Variants in SOX6 observed in about 807,000 individuals in gnomAD.
SOX6 encodes SRY-box transcription factor 6, also known as transcription factor SOX-6.
Under a neutral mutation model 97.8 loss-of-function variants are expected in SOX6, and 11 were observed. That is an observed-to-expected ratio of 0.11 (90% CI 0.07 to 0.19). The LOEUF (loss-of-function observed/expected upper bound fraction) is 0.19. Ranked by LOEUF, SOX6 falls within the 10% of genes least tolerant of loss-of-function variation. SOX6 has a pLI of 1.00. For synonymous variants in SOX6, 360 were observed against 371.4 expected (o/e 0.97, Z 0.35); for missense variants, 810 against 1,039.5 (o/e 0.78, Z 3.04).
chr11:16,151,746 T>C (rs1398974321), intron 6 of SOX6, among the ~76,000 whole-genome samples: 1 of 152,054 alleles, frequency 6.6e-6, no homozygotes, highest in Non-Finnish European at 1.5e-5. Context: ...AGCTGAAAAA[T>C]TCAGTTCTAT....
rs1848324549 is a variant in SOX6 at position 16,605,531 on chromosome 11, C to T, written n.609+6550G>A. On this transcript the variant is annotated intron_variant and non_coding_transcript_variant, in intron 4 of 5. Transcript: ENST00000524520. This position sits in a 1 kb window ranked among gnomAD's most constrained non-coding sequence, Gnocchi z 5.3. Reference sequence around the variant, plus strand: ...AGCTGGAGGCAACTCGAGCGGTGTCCCGAAAAAGTTGCGGCGGAGCGGCGG... The same window carrying T: ...AGCTGGAGGCAACTCGAGCGGTGTCTCGAAAAAGTTGCGGCGGAGCGGCGG... 6.6e-6 allele frequency among the ~76,000 whole-genome samples: 1 copy of T among 152,098 alleles called. No homozygotes were observed. Among genetic ancestry groups the T allele is most frequent in the Non-Finnish European group, 1.5e-5 (1 of 67,998 alleles).
At chr11:16,525,412 G>T (rs1361245425) in intron 4 of SOX6, among the ~76,000 whole-genome samples, 3 of 151,948 alleles carry the variant, frequency 2.0e-5, no homozygotes, top group Admixed American at 1.3e-4. Flanking sequence ...ATGGTGCTGG[G>T]AAAACTGGCT....
intron 3 of SOX6, among the ~76,000 whole-genome samples, chr11:16,621,684 G>A (rs1848547386): frequency 6.6e-6 from 1 of 152,130 alleles, no homozygotes. Flanking sequence ...TTCAACTGCA[G>A]AATTTTTTTC....
chr11:16,049,494 T>C (rs1364846030), intron 11 of SOX6, among the ~76,000 whole-genome samples: 1 of 152,162 alleles, frequency 6.6e-6, no homozygotes, highest in Non-Finnish European at 1.5e-5. Flanking sequence ...TGACCATATA[T>C]AGAAGTTCCT....
At chr11:16,137,748 G>A (rs1040502546) in intron 6 of SOX6, among the ~76,000 whole-genome samples, 19 of 150,478 alleles carry the variant, frequency 1.3e-4, no homozygotes, top group Admixed American at 2.0e-4. Flanking sequence ...TAATCCCTAC[G>A]TGCCATGAGA....
chr11:16,738,368 G>A (rs569351172), intron 1 of SOX6: 2 of 218,014 alleles, frequency 9.2e-6, no homozygotes, highest in Admixed American at 5.1e-5. Flanking sequence ...CACGGTGAAA[G>A]GCAAAAACCC....
At chr11:16,261,632 T>G (rs1334374180) in intron 3 of SOX6, among the ~76,000 whole-genome samples, 1 of 145,752 alleles carries the variant, frequency 6.9e-6, no homozygotes, top group Non-Finnish European at 1.5e-5. Flanking sequence ...AGTCTTCTTT[T>G]ATTTGAAAAA....
At chr11:16,036,442 T>C (rs1407963001) in intron 12 of SOX6, among the ~76,000 whole-genome samples, 2 of 152,068 alleles carry the variant, frequency 1.3e-5, no homozygotes, top group Non-Finnish European at 2.9e-5. Flanking sequence ...GTTGAGAGAG[T>C]GTTGAATATA....
intron 3 of SOX6, among the ~76,000 whole-genome samples, chr11:16,247,170 C>T (rs1368750954): frequency 6.6e-6 from 1 of 152,126 alleles, no homozygotes; most frequent in Non-Finnish European, 1.5e-5. Context: ...AAATATCTTT[C>T]TGTGACTGGC....
chr11:16,266,021 T>C (rs1298378416), intron 3 of SOX6, among the ~76,000 whole-genome samples: 1 of 151,730 alleles, frequency 6.6e-6, no homozygotes, highest in African/African-American at 2.4e-5. Context: ...AGAAAAAATA[T>C]TGAAAATATA....
At chr11:16,007,051 GA>G (rs5789933) in intron 13 of SOX6, among the ~76,000 whole-genome samples, 13,584 of 151,908 alleles carry the variant, frequency 0.089, 1,252 homozygotes, top group East Asian at 0.36. Context: ...AACCAAACAA[GA>G]AGAGGAATCT....
At chr11:16,282,711 A>G (rs1312714683) in intron 3 of SOX6, among the ~76,000 whole-genome samples, 1 of 151,496 alleles carries the variant, frequency 6.6e-6, no homozygotes, top group South Asian at 2.1e-4. Context: ...TAGCAAAAAT[A>G]GGTATGAATT....
chr11:16,203,096 A>C (rs1851982343), intron 4 of SOX6, among the ~76,000 whole-genome samples: 1 of 152,136 alleles, frequency 6.6e-6, no homozygotes, highest in African/African-American at 2.4e-5. Context: ...TGAAATACTA[A>C]AGTGAGCATC....
At chr11:16,072,146 G>A (rs1848241272) in intron 9 of SOX6, among the ~76,000 whole-genome samples, 1 of 152,072 alleles carries the variant, frequency 6.6e-6, no homozygotes, top group African/African-American at 2.4e-5. Flanking sequence ...TAGGAATGAA[G>A]ATCATCAACA....
chr11:16,499,976 C>G (rs1860674306), intron 4 of SOX6, among the ~76,000 whole-genome samples: 1 of 152,160 alleles, frequency 6.6e-6, no homozygotes, highest in Admixed American at 6.5e-5. Context: ...CAGCATCATC[C>G]TGATACCAAA....
At chr11:16,115,665 C>T (rs2133999960) in intron 6 of SOX6, among the ~76,000 whole-genome samples, 1 of 152,274 alleles carries the variant, frequency 6.6e-6, no homozygotes, top group South Asian at 2.1e-4. Flanking sequence ...GTTACAGTGT[C>T]ATGACAGTGC....
intron 13 of SOX6, among the ~76,000 whole-genome samples, chr11:16,008,190 A>G (rs1487765994): frequency 6.6e-6 from 1 of 152,104 alleles, no homozygotes; most frequent in Admixed American, 6.6e-5. Context: ...GGAAATAATC[A>G]CATGGAAAAA....
intron 3 of SOX6, among the ~76,000 whole-genome samples, chr11:16,293,657 G>T (rs1326627841): frequency 6.6e-6 from 1 of 152,010 alleles, no homozygotes; most frequent in Non-Finnish European, 1.5e-5. Flanking sequence ...GGGAGTTAGA[G>T]AATTGTATTA....
intron 8 of SOX6, 88 bp from the exon 9 acceptor site, chr11:16,096,206 G>A (rs1049945183): frequency 6.9e-7 from 1 of 1,450,570 alleles, no homozygotes; most frequent in Non-Finnish European, 9.5e-7. Flanking sequence ...TAAATCCAGG[G>A]TATTGACCAC....
Sources: allele counts gnomAD v4.1 joint callset (sites outside exome capture counted in the v4.1 genomes callset), GRCh38; gene constraint gnomAD v4.1.1; non-coding constraint Gnocchi (gnomAD v3.1); transcripts MANE v1.5; gene names NCBI Gene and HGNC (gene_info 2026-07-23, HGNC 2026-07-21).